The following CCDC170 variants were observed in gnomAD, a reference collection of about 807,000 sequenced individuals.
The protein encoded by CCDC170 is coiled-coil domain containing 170.
Under a neutral mutation model 72.6 loss-of-function variants are expected in CCDC170, and 69 were observed. That is an observed-to-expected ratio of 0.95 (90% CI 0.78 to 1.16). CCDC170 has a LOEUF of 1.16. Ranked by LOEUF, CCDC170 falls within the 50% of genes most tolerant of loss-of-function variation. CCDC170 has a pLI of 0.00. For synonymous variants in CCDC170, 300 were observed against 303.9 expected (o/e 0.99, Z 0.13); for missense variants, 852 against 832.5 (o/e 1.02, Z -0.29).
chr6:151,601,728 G>A (rs1776713354), intron 9 of CCDC170, among the ~76,000 whole-genome samples: 1 of 152,146 alleles, frequency 6.6e-6, no homozygotes, highest in African/African-American at 2.4e-5. Context: ...TATGAAGACT[G>A]GCAGATTATC....
At chr6:151,607,906 A>G (rs940673693) in intron 9 of CCDC170, among the ~76,000 whole-genome samples, 9 of 152,180 alleles carry the variant, frequency 5.9e-5, no homozygotes, top group African/African-American at 2.2e-4. Context: ...ATTTTCAACT[A>G]GTATTTCATT....
At chr6:151,494,780 C>A (rs982559419) in intron 1 of CCDC170, among the ~76,000 whole-genome samples, 99 of 151,894 alleles carry the variant, frequency 6.5e-4, no homozygotes, top group African/African-American at 2.3e-3. Context: ...CGTGCACACA[C>A]GCGAACAGGC....
intron 1 of CCDC170, among the ~76,000 whole-genome samples, chr6:151,509,188 CCT>C (rs1562266277): frequency 6.6e-6 from 1 of 151,532 alleles, no homozygotes; most frequent in African/African-American, 2.4e-5. Flanking sequence ...CTCTCTCCCC[CCT>C]TTCGCTCTCT....
chr6:151,509,866 T>C (rs1782123501), intron 1 of CCDC170, among the ~76,000 whole-genome samples: 1 of 152,224 alleles, frequency 6.6e-6, no homozygotes, highest in Non-Finnish European at 1.5e-5. Flanking sequence ...GGCTCACGCC[T>C]GTAATCCCAG....
At chr6:151,586,650 T>C (rs907969359) in intron 7 of CCDC170, among the ~76,000 whole-genome samples, 6 of 152,050 alleles carry the variant, frequency 3.9e-5, no homozygotes, top group Non-Finnish European at 7.4e-5. Context: ...GAACATGTTA[T>C]TCTCGGTGGA....
chr6:151,555,984 G>A (rs1782967819), intron 5 of CCDC170, among the ~76,000 whole-genome samples: 1 of 152,194 alleles, frequency 6.6e-6, no homozygotes, highest in South Asian at 2.1e-4. Context: ...GGTGGCGTAT[G>A]CCTGTAATGT....
chr6:151,521,273 T>A (rs542788382), intron 1 of CCDC170, among the ~76,000 whole-genome samples: 1 of 152,190 alleles, frequency 6.6e-6, no homozygotes, highest in Non-Finnish European at 1.5e-5. Flanking sequence ...AGTCTACCTA[T>A]GCCTGTCCCA....
intron 7 of CCDC170, among the ~76,000 whole-genome samples, chr6:151,586,508 T>C (rs1402429641): frequency 1.3e-5 from 2 of 152,194 alleles, no homozygotes; most frequent in African/African-American, 2.4e-5. Context: ...AAGTTCATTT[T>C]TGAAAGATAA....
chr6:151,573,326 G>A lies in CCDC170; in HGVS notation c.927G>A (p.Leu309=), dbSNP rs574393508. ...GCTCTTCTGAGTTGGAGAAGAGTTTGAAGGCCAGTCAGGATGCAGTCACAA... is the reference window on the plus strand; with the variant it reads ...GCTCTTCTGAGTTGGAGAAGAGTTTAAAGGCCAGTCAGGATGCAGTCACAA... ...KKSSSELEKS[L]KASQDAVTTS... is the part of the protein sequence containing the mutation. The change falls in exon 6 of 11, where the codon TTG becomes TTA. Residue 309 remains leucine, a synonymous_variant. Transcript: ENST00000239374. 1.9e-6 allele frequency: 3 copies of A among 1,614,198 alleles called. No individual in the cohort carries two copies. Among genetic ancestry groups the A allele is most frequent in the East Asian group, 4.5e-5 (2 of 44,868 alleles).
At position 151,516,374 on chromosome 6, in the gene CCDC170, T is replaced by C. The variant is rs116578373; in HGVS notation, c.58-19944T>C. On this transcript the variant is annotated intron_variant, in intron 1 of 10. Coordinates refer to ENST00000239374, the MANE Select transcript of CCDC170 (RefSeq NM_025059.4). ...CAAGAGGAGGTCTCCATTCAGTCAGTTGGAAGGCTTAGAATGTTATTTTTA... is the reference window on the plus strand; with the variant it reads ...CAAGAGGAGGTCTCCATTCAGTCAGCTGGAAGGCTTAGAATGTTATTTTTA... 3.2e-3 allele frequency among the ~76,000 whole-genome samples: 492 copies of C among 152,272 alleles called. 1 individual carries two copies. The highest frequency in any genetic ancestry group is 0.012 in the African/African-American group (479 of 41,570).
intron 3 of CCDC170, among the ~76,000 whole-genome samples, chr6:151,542,820 T>C (rs985668992): frequency 1.3e-5 from 2 of 152,196 alleles, no homozygotes; most frequent in African/African-American, 2.4e-5. Flanking sequence ...TGGAATCCTA[T>C]ATGTATATCA....
chr6:151,520,894 G>C (rs1337587047), intron 1 of CCDC170, among the ~76,000 whole-genome samples: 1 of 152,146 alleles, frequency 6.6e-6, no homozygotes, highest in African/African-American at 2.4e-5. Context: ...CTGAAGCTCA[G>C]AGAGACTGAT....
intron 6 of CCDC170, 119 bp from the exon 7 acceptor site, chr6:151,585,770 T>C: frequency 1.2e-6 from 1 of 822,374 alleles, no homozygotes; most frequent in Admixed American, 3.3e-5. Context: ...ATGGGATTTT[T>C]ACAAATAATC....
intron 3 of CCDC170, among the ~76,000 whole-genome samples, chr6:151,540,281 C>A (rs141929042): frequency 3.3e-5 from 5 of 150,350 alleles, no homozygotes. Flanking sequence ...TATCCTCACA[C>A]GGCAGAGAAA....
At chr6:151,555,414 T>C (rs1056240493) in intron 5 of CCDC170, among the ~76,000 whole-genome samples, 8 of 152,230 alleles carry the variant, frequency 5.3e-5, no homozygotes, top group Non-Finnish European at 7.3e-5. Context: ...AATGACTAGA[T>C]GAGATAGACT....
At chr6:151,509,186 C>A (rs1476544270) in intron 1 of CCDC170, among the ~76,000 whole-genome samples, 1 of 151,744 alleles carries the variant, frequency 6.6e-6, no homozygotes, top group African/African-American at 2.4e-5. Context: ...CTCTCTCTCC[C>A]CCCTTTCGCT....
intron 9 of CCDC170, 22 bp from the exon 10 acceptor site, chr6:151,615,421 C>T (rs1041171512): frequency 8.5e-6 from 13 of 1,524,944 alleles, no homozygotes; most frequent in Admixed American, 6.8e-5. Context: ...AAGGAGTTAT[C>T]AGCATTCTCT....
At chr6:151,604,260 A>AT (rs34498010) in intron 9 of CCDC170, among the ~76,000 whole-genome samples, 1 of 151,986 alleles carries the variant, frequency 6.6e-6, no homozygotes. Context: ...GCCTTTCTTA[A>AT]TTTTTTTCCC....
Position 151,618,202 on chromosome 6 carries a change from TC to T in CCDC170, c.*56del. On this transcript the variant is annotated 3_prime_UTR_variant, in exon 11 of 11. Coordinates refer to ENST00000239374, the MANE Select transcript of CCDC170 (RefSeq NM_025059.4). ...AAGACATGGCACACAATTCCCAATT[TC>T]ACAAATTCCTCATGTCTTTGAGATT... 6.9e-7 allele frequency: 1 copy of T among 1,444,304 alleles called. No homozygotes were observed. Among genetic ancestry groups the T allele is most frequent in the South Asian group, 1.2e-5 (1 of 84,262 alleles). The allele number at this position is 1,444,304 out of a possible 1,614,324, so 89.5% of individuals were successfully genotyped here. A position where few individuals can be genotyped will look rare whatever the true frequency, so the allele number is the denominator to read the frequency against.
Sources: allele counts gnomAD v4.1 joint callset (sites outside exome capture counted in the v4.1 genomes callset), GRCh38; gene constraint gnomAD v4.1.1; transcripts MANE v1.5; gene names NCBI Gene and HGNC (gene_info 2026-07-23, HGNC 2026-07-21).